The following PTGER3 variants were observed in gnomAD, a reference collection of about 807,000 sequenced individuals.
The protein encoded by PTGER3 is prostaglandin E receptor 3, also known as prostaglandin E2 receptor EP3 subtype.
PTGER3 carries 22 observed loss-of-function variants against 34.7 expected under a neutral mutation model. That is an observed-to-expected ratio of 0.63 (90% CI 0.45 to 0.91). The LOEUF (loss-of-function observed/expected upper bound fraction) is 0.91, where lower values mean the gene tolerates loss of function less well. PTGER3 is among the 40% of genes least tolerant of loss of function. The pLI, the probability that PTGER3 is intolerant of heterozygous loss-of-function variation, is 0.00. For missense variants in PTGER3, 468 were observed against 519.4 expected, an observed-to-expected ratio of 0.90 and a Z score of 0.96; for synonymous variants, 241 against 230.1, an observed-to-expected ratio of 1.05 and a Z score of -0.43.
chr1:70,865,692 G>C (rs762978071), intron 4 of PTGER3: 6 of 1,366,508 alleles, frequency 4.4e-6, no homozygotes, highest in Non-Finnish European at 2.0e-6. Flanking sequence ...TACTTACTAA[G>C]AAGTTTGAAG....
At chr1:71,017,500 C>T (rs528295834) in intron 1 of PTGER3, among the ~76,000 whole-genome samples, 24 of 152,178 alleles carry the variant, frequency 1.6e-4, no homozygotes, top group Admixed American at 7.2e-4. Context: ...TCTGTGTCCC[C>T]GCCCAAATCT....
At chr1:71,028,322 G>T (rs970498325) in intron 1 of PTGER3, among the ~76,000 whole-genome samples, 6 of 152,138 alleles carry the variant, frequency 3.9e-5, no homozygotes, top group African/African-American at 1.4e-4. Flanking sequence ...TACCACTTGC[G>T]GGGAACAAGC....
chr1:70,959,189 T>C lies in PTGER3; in HGVS notation c.1078-5400A>G, dbSNP rs140219792. On this transcript the variant is annotated intron_variant, in intron 2 of 3. Coordinates refer to the PTGER3 transcript ENST00000356595. The stretch of plus-strand genomic sequence containing the variant: ...GGTTCCACATAAATTTTAAAATTGT[T>C]TTTTCTATTTCTGTGAGGAATGTCA... Among the ~76,000 whole-genome samples the C allele has an allele frequency of 7.0e-4, 107 of 152,304 alleles. 1 individual carries two copies. The highest frequency in any genetic ancestry group is 2.4e-3 in the African/African-American group (100 of 41,540).
chr1:71,010,380 C>T, intron 2 of PTGER3: 2 of 984,754 alleles, frequency 2.0e-6, no homozygotes, highest in South Asian at 9.4e-5. Flanking sequence ...TGGTATGTGC[C>T]TTGCCAATGT....
At chr1:70,860,633 T>G (rs974085751) in intron 4 of PTGER3, among the ~76,000 whole-genome samples, 1 of 152,134 alleles carries the variant, frequency 6.6e-6, no homozygotes, top group Non-Finnish European at 1.5e-5. Context: ...TTTTTTATAT[T>G]AGTTAGCCTA....
chr1:71,006,679 A>C, intron 2 of PTGER3: 1 of 984,354 alleles, frequency 1.0e-6, no homozygotes, highest in Non-Finnish European at 1.2e-6. Context: ...TTTGTTATGC[A>C]CATGATTATG....
chr1:70,906,100 T>C (rs1191632723), intron 4 of PTGER3, among the ~76,000 whole-genome samples: 1 of 152,142 alleles, frequency 6.6e-6, no homozygotes, highest in Non-Finnish European at 1.5e-5. Context: ...ATGTAAGATG[T>C]CACTTGCTCC....
chr1:70,943,516 A>C (rs1649942483), intron 4 of PTGER3, among the ~76,000 whole-genome samples: 1 of 152,110 alleles, frequency 6.6e-6, no homozygotes, highest in African/African-American at 2.4e-5. Context: ...TCTGTCAGTA[A>C]AGTTGGTTGT....
At chr1:71,019,779 A>T (rs1658234582) in intron 1 of PTGER3, among the ~76,000 whole-genome samples, 1 of 152,206 alleles carries the variant, frequency 6.6e-6, no homozygotes, top group South Asian at 2.1e-4. Flanking sequence ...ATATCTATTA[A>T]AGATGATAAA....
intron 2 of PTGER3, among the ~76,000 whole-genome samples, chr1:70,988,723 G>A (rs1655151484): frequency 6.6e-6 from 1 of 152,148 alleles, no homozygotes; most frequent in Admixed American, 6.5e-5. Flanking sequence ...ACCCATCTGT[G>A]TTCTTTTAAT....
intron 4 of PTGER3, among the ~76,000 whole-genome samples, chr1:70,934,513 T>G (rs1379876767): frequency 6.6e-6 from 1 of 152,230 alleles, no homozygotes; most frequent in Admixed American, 6.5e-5. Flanking sequence ...TCATTAACTC[T>G]GTGCTTGGGA....
At chr1:70,938,601 C>T (rs1015838433) in intron 4 of PTGER3, among the ~76,000 whole-genome samples, 4 of 152,142 alleles carry the variant, frequency 2.6e-5, no homozygotes, top group South Asian at 2.1e-4. Flanking sequence ...AATTGGACTA[C>T]GGTGGCACAT....
intron 4 of PTGER3, among the ~76,000 whole-genome samples, chr1:70,856,050 A>G (rs962410244): frequency 1.3e-5 from 2 of 152,094 alleles, no homozygotes; most frequent in African/African-American, 4.8e-5. Context: ...GCCACTATCT[A>G]GTTGTGCCAC....
intron 4 of PTGER3, among the ~76,000 whole-genome samples, chr1:70,915,710 G>C (rs183587052): frequency 6.6e-6 from 1 of 151,918 alleles, no homozygotes; most frequent in Non-Finnish European, 1.5e-5. Flanking sequence ...TCTGAATAGG[G>C]TGTCCTTTCC....
intron 1 of PTGER3, 21 bp downstream of exon 1, chr1:71,046,660 C>G (rs368485003): frequency 1.3e-6 from 2 of 1,524,650 alleles, no homozygotes; most frequent in Non-Finnish European, 1.8e-6. Flanking sequence ...CCTGACTTCC[C>G]CCAACCCTGG....
chr1:70,947,440 AC>A (rs1650324834), downstream of PTGER3: 1 of 153,410 alleles, frequency 6.5e-6, no homozygotes, highest in African/African-American at 2.4e-5. Flanking sequence ...TTCAGCTCCC[AC>A]CATAATTCTG....
At chr1:70,932,643 A>G (rs948646711) in intron 4 of PTGER3, among the ~76,000 whole-genome samples, 4 of 152,202 alleles carry the variant, frequency 2.6e-5, no homozygotes, top group African/African-American at 9.7e-5. Flanking sequence ...ATTCACTGCC[A>G]GGAGAGCAGT....
At chr1:70,868,351 T>C (rs1646090239) in intron 4 of PTGER3, among the ~76,000 whole-genome samples, 1 of 152,232 alleles carries the variant, frequency 6.6e-6, no homozygotes, top group Admixed American at 6.5e-5. Flanking sequence ...AATTGTCTAT[T>C]GCCTTATTGT....
chr1:70,958,582 A>C (rs1056125935), intron 2 of PTGER3, among the ~76,000 whole-genome samples: 8 of 152,176 alleles, frequency 5.3e-5, no homozygotes, highest in South Asian at 2.1e-4. Flanking sequence ...GTATTAACTT[A>C]TTATCAGATG....
Sources: allele counts gnomAD v4.1 joint callset (sites outside exome capture counted in the v4.1 genomes callset), GRCh38; gene constraint gnomAD v4.1.1; transcripts MANE v1.5; gene names NCBI Gene and HGNC (gene_info 2026-07-23, HGNC 2026-07-21).